Variants in ANO3 observed in about 807,000 individuals in gnomAD.
ANO3 encodes anoctamin-3.
A neutral mutation model predicts 144.8 loss-of-function variants in ANO3; 99 were observed. The observed-to-expected ratio is 0.68, with a 90% confidence interval of 0.58 to 0.81. The LOEUF (loss-of-function observed/expected upper bound fraction) is 0.81, where lower values mean the gene tolerates loss of function less well. Ranked by LOEUF, ANO3 falls within the 30% of genes least tolerant of loss-of-function variation. The pLI is 0.00. For synonymous variants in ANO3, 414 were observed against 392.6 expected, an observed-to-expected ratio of 1.05 and a Z score of -0.64; for missense variants, 905 against 1,202.2, an observed-to-expected ratio of 0.75 and a Z score of 3.66.
chr11:26,531,405 C>T lies in ANO3; in HGVS notation c.869+69C>T. ...GTGGGGCTTGTTTATAGAATAAAAA[C>T]ACCTGGGACCATTTCCATTGTTTAC... On this transcript the variant is annotated intron_variant, in intron 8 of 26. Transcript: ENST00000256737. 2.0e-6 allele frequency: 3 copies of T among 1,488,196 alleles called. No homozygotes were observed. In the African/African-American group the frequency reaches 4.3e-5, roughly 21 times the overall value. The allele number at this position is 1,488,196 out of a possible 1,614,324, so 92.2% of individuals were successfully genotyped here. A position where few individuals can be genotyped will look rare whatever the true frequency, so the allele number is the denominator to read the frequency against.
chr11:26,391,131 C>G (rs1192618649), intron 1 of ANO3, among the ~76,000 whole-genome samples: 1 of 152,042 alleles, frequency 6.6e-6, no homozygotes, highest in Non-Finnish European at 1.5e-5. Context: ...ATATTTCTTA[C>G]AGTTCTGAAG....
At chr11:26,625,219 C>G (rs1852545153) in intron 18 of ANO3, among the ~76,000 whole-genome samples, 1 of 152,230 alleles carries the variant, frequency 6.6e-6, no homozygotes, top group South Asian at 2.1e-4. Flanking sequence ...GCCACTGTGT[C>G]CGGCTACTTT....
intron 6 of ANO3, among the ~76,000 whole-genome samples, chr11:26,521,728 G>A (rs1862084325): frequency 6.6e-6 from 1 of 152,040 alleles, no homozygotes; most frequent in Non-Finnish European, 1.5e-5. Context: ...TCCTATTCAT[G>A]CTTACCTCTC....
intron 3 of ANO3, among the ~76,000 whole-genome samples, chr11:26,450,785 C>G (rs1168928834): frequency 1.3e-5 from 2 of 152,094 alleles, no homozygotes; most frequent in Non-Finnish European, 2.9e-5. Flanking sequence ...TTAAAATTCT[C>G]CAGGAAGTAT....
rs541976375 is a variant in ANO3 at position 26,538,246 on chromosome 11, ACT to A, written c.1032+788_1032+789del. On this transcript the variant is annotated intron_variant, in intron 10 of 26. Coordinates refer to ENST00000256737, the MANE Select transcript of ANO3 (RefSeq NM_031418.4). ...CCCTTTGAGATATACAATAACATTA[ACT>A]CTGTTTTGTATATAGGTAACTGAGG... Among the ~76,000 whole-genome samples, 650 of 152,286 alleles carry A rather than the reference ACT, an allele frequency of 4.3e-3. 6 individuals carry two copies. The highest frequency in any genetic ancestry group is 0.015 in the African/African-American group (605 of 41,566).
rs148917295 is a variant in ANO3 at position 26,461,118 on chromosome 11, G to A, written c.314-1912G>A. Among the ~76,000 whole-genome samples the A allele has an allele frequency of 3.3e-3, 508 of 152,182 alleles. 1 individual carries two copies. Among genetic ancestry groups the A allele is most frequent in the Middle Eastern group, 0.014 (4 of 292 alleles). On this transcript the variant is annotated intron_variant, in intron 3 of 26. Coordinates refer to ENST00000256737, the MANE Select transcript of ANO3 (RefSeq NM_031418.4). ...GGACAGAGAGAGAGCGAGAGCAAGC[G>A]AGCGAGCGCGAGAGTGCCTACCGGG... is the stretch of plus-strand genomic sequence containing the variant.
chr11:26,293,509 C>A, intron 1 of ANO3, among the ~76,000 whole-genome samples: 1 of 125,136 alleles, frequency 8.0e-6, no homozygotes, highest in African/African-American at 3.0e-5. Context: ...CAATTTCAGT[C>A]TAGAGTGGGT....
At chr11:26,262,719 AAC>A (rs144643690) in intron 1 of ANO3, among the ~76,000 whole-genome samples, 18 of 149,000 alleles carry the variant, frequency 1.2e-4, no homozygotes, top group East Asian at 2.0e-4. Flanking sequence ...CCTTATAGTA[AAC>A]ACACACACAC....
At chr11:26,430,105 A>T (rs1227148668) in intron 1 of ANO3, among the ~76,000 whole-genome samples, 3 of 152,112 alleles carry the variant, frequency 2.0e-5, no homozygotes, top group African/African-American at 7.2e-5. Context: ...AATAAAAAAT[A>T]AAAAGATTAA....
At chr11:26,229,345 T>G (rs533574846) in intron 1 of ANO3, among the ~76,000 whole-genome samples, 1 of 152,358 alleles carries the variant, frequency 6.6e-6, no homozygotes, top group Admixed American at 6.5e-5. Flanking sequence ...GATGCGTAGA[T>G]CTGCCATTTA....
chr11:26,643,405 C>T, intron 23 of ANO3, 71 bp downstream of exon 23: 1 of 1,558,792 alleles, frequency 6.4e-7, no homozygotes, highest in Non-Finnish European at 8.7e-7. Flanking sequence ...AGTGTGCCCC[C>T]AGATTCATAT....
intron 1 of ANO3, among the ~76,000 whole-genome samples, chr11:26,211,445 A>G (rs963109373): frequency 3.3e-5 from 5 of 152,074 alleles, no homozygotes; most frequent in African/African-American, 2.4e-5. Flanking sequence ...TATGTGGCCA[A>G]TGAACATATG....
chr11:26,656,037 A>G (rs892021903), intron 24 of ANO3, 88 bp from the exon 25 acceptor site: 3 of 1,058,952 alleles, frequency 2.8e-6, no homozygotes, highest in East Asian at 2.4e-5. Flanking sequence ...AGAATAATAC[A>G]TTTGTAAAAT....
chr11:26,443,562 A>G (rs1858601408), intron 2 of ANO3, among the ~76,000 whole-genome samples: 1 of 152,212 alleles, frequency 6.6e-6, no homozygotes, highest in African/African-American at 2.4e-5. Flanking sequence ...AGATCATGCC[A>G]TTGCACTCCA....
At chr11:26,655,703 C>T (rs1853664347) in intron 24 of ANO3, among the ~76,000 whole-genome samples, 2 of 152,028 alleles carry the variant, frequency 1.3e-5, no homozygotes, top group African/African-American at 2.4e-5. Flanking sequence ...TCCAGCAAAT[C>T]ATAGGTCTTG....
chr11:26,403,373 G>A (rs1590330921), intron 1 of ANO3, among the ~76,000 whole-genome samples: 3 of 151,986 alleles, frequency 2.0e-5, no homozygotes, highest in Non-Finnish European at 4.4e-5. Flanking sequence ...TTAAGATACA[G>A]AAATTGAGAC....
chr11:26,392,402 A>G (rs1490521985), intron 1 of ANO3, among the ~76,000 whole-genome samples: 2 of 152,060 alleles, frequency 1.3e-5, no homozygotes, highest in African/African-American at 4.8e-5. Flanking sequence ...TATATGATTT[A>G]CCTTTTGATA....
chr11:26,365,142 C>G (rs2133929928), intron 1 of ANO3, among the ~76,000 whole-genome samples: 1 of 152,340 alleles, frequency 6.6e-6, no homozygotes, highest in East Asian at 1.9e-4. Context: ...CAGCAGGGCA[C>G]TCATTAAATC....
chr11:26,530,520 A>G (rs370432819), intron 7 of ANO3, among the ~76,000 whole-genome samples: 39 of 149,280 alleles, frequency 2.6e-4, no homozygotes, highest in African/African-American at 6.6e-4. Flanking sequence ...ATCTACATGT[A>G]TACACACACC....
Sources: gnomAD v4.1 joint callset for allele counts (sites outside exome capture counted in the v4.1 genomes callset) on GRCh38, gnomAD v4.1.1 for gene constraint, MANE v1.5 for transcripts, NCBI Gene and HGNC (gene_info 2026-07-23, HGNC 2026-07-21) for gene names.